The following SPG7 variants were observed in gnomAD, a reference collection of about 807,000 sequenced individuals.
SPG7 encodes the protein mitochondrial inner membrane m-AAA protease component paraplegin.
SPG7 carries 103 observed loss-of-function variants against 81.9 expected under a neutral mutation model. The observed-to-expected ratio is 1.26, with a 90% CI of 1.07 to 1.48. The LOEUF (loss-of-function observed/expected upper bound fraction) is 1.48, where lower values mean the gene tolerates loss of function less well. SPG7 is among the 40% of genes most tolerant of loss of function. SPG7 has a pLI of 0.00. For synonymous variants in SPG7, 534 were observed against 444.2 expected, an observed-to-expected ratio of 1.20 and a Z score of -2.54; for missense variants, 1,241 against 1,087.3, an observed-to-expected ratio of 1.14 and a Z score of -1.99.
Position 89,524,169 on chromosome 16 carries a change from G to A in SPG7, c.540G>A (p.Val180=), listed in dbSNP as rs1415672616. ...ACGAGATGCTGGCCAAGGGCGAGGTGCAGCGCGTCCAGGTGGTGCCTGAGA... is the reference window on the plus strand; with the variant it reads ...ACGAGATGCTGGCCAAGGGCGAGGTACAGCGCGTCCAGGTGGTGCCTGAGA... ...FVHEMLAKGE[V]QRVQVVPESD... Residue 180 remains valine (V), a synonymous_variant, in exon 4 of 17, where the codon GTG becomes GTA. Transcript: ENST00000645818. The A allele has an allele frequency of 1.9e-6, 3 of 1,613,996 alleles. No individual in the cohort carries two copies. Among genetic ancestry groups the A allele is most frequent in the Non-Finnish European group, 8.5e-7 (1 of 1,180,032 alleles).
At chr16:89,544,535 C>G in intron 9 of SPG7, 113 bp from the exon 10 acceptor site, 1 of 1,274,026 alleles carries the variant, frequency 7.8e-7, no homozygotes, top group East Asian at 2.3e-5. Flanking sequence ...TCCTTTCTCT[C>G]TGGGCCTTAG....
At chr16:89,517,226 A>G (rs891803965) in intron 3 of SPG7, 1 of 152,140 alleles carries the variant, frequency 6.6e-6, no homozygotes, top group African/African-American at 2.4e-5. Context: ...CGTGTGCCCC[A>G]CTAATAACTC....
At chr16:89,554,059 C>A in intron 15 of SPG7, 99 bp downstream of exon 15, 1 of 1,326,062 alleles carries the variant, frequency 7.5e-7, no homozygotes, top group Admixed American at 1.9e-5. Flanking sequence ...CCCAGCGGAG[C>A]TCAGCTGCAG....
chr16:89,537,505 AAAGGC>A, intron 9 of SPG7: 1 of 994,498 alleles, frequency 1.0e-6, no homozygotes, highest in South Asian at 4.5e-5. Flanking sequence ...CACACACAGA[AAAGGC>A]TGCTGTGAAC....
chr16:89,540,348 C>T (rs775203462), intron 9 of SPG7: 1 of 152,068 alleles, frequency 6.6e-6, no homozygotes, highest in African/African-American at 2.4e-5. Flanking sequence ...GCATTTTGCG[C>T]GTCTGAGTTG....
At chr16:89,537,381 C>A in intron 9 of SPG7, 1 of 1,112,308 alleles carries the variant, frequency 9.0e-7, no homozygotes, top group Non-Finnish European at 1.1e-6. Flanking sequence ...TGATGGGGAG[C>A]GTCGGCGCTG....
intron 11 of SPG7, chr16:89,547,541 CCT>C (rs913688712): frequency 2.3e-5 from 5 of 221,836 alleles, no homozygotes; most frequent in Admixed American, 2.1e-4. Context: ...GCTCCCCGTG[CCT>C]CTCTCCCAGA....
At chr16:89,533,073 CA>C (rs398042283) in intron 9 of SPG7, 25,062 of 83,832 alleles carry the variant, frequency 0.3, 1,608 homozygotes, top group Admixed American at 0.36. Flanking sequence ...GACTCCATCT[CA>C]AAAAAAAAAA....
At position 89,532,429 on chromosome 16, in the gene SPG7, T is replaced by C. The variant is rs1274317466; in HGVS notation, c.1151-34T>C. ...GGAAGAGGCTTTGTTTTTTATTAACTGCCCATTTCCTGATTCTCTCTGTGT... is the reference window on the plus strand; with the variant it reads ...GGAAGAGGCTTTGTTTTTTATTAACCGCCCATTTCCTGATTCTCTCTGTGT... On this transcript the variant is annotated intron_variant, in intron 8 of 16. Transcript: ENST00000645818. 3.7e-6 allele frequency: 6 copies of C among 1,611,864 alleles called. No individual in the cohort carries two copies. The Admixed American group carries it at 8.3e-5, about 22-fold the overall frequency.
chr16:89,511,024 G>A (rs1319673846), intron 2 of SPG7, among the ~76,000 whole-genome samples: 2 of 152,168 alleles, frequency 1.3e-5, no homozygotes, highest in African/African-American at 4.8e-5. Context: ...TTTTTGTGGA[G>A]ATGGGGTTTT....
rs373636036 is a variant in SPG7 at position 89,524,176 on chromosome 16, G to T, written c.547G>T (p.Val183Phe). 3 of 1,614,038 alleles carry T rather than the reference G, an allele frequency of 1.9e-6. No homozygotes were observed. In the South Asian group the frequency reaches 3.3e-5, roughly 18 times the overall value. Residue 183 changes from valine to phenylalanine, a missense_variant, in exon 4 of 17, where the codon GTC (valine) becomes TTC (phenylalanine). Physicochemically the swap from Val to Phe is conservative, Grantham distance 50 (BLOSUM62 -1). Coordinates refer to ENST00000645818, the MANE Select transcript of SPG7 (RefSeq NM_003119.4). ...EMLAKGEVQR[V>F]QVVPESDVVE... ...GCTGGCCAAGGGCGAGGTGCAGCGC[G>T]TCCAGGTGGTGCCTGAGAGCGACGT...
At chr16:89,508,978 G>C in intron 1 of SPG7, 1 of 486,570 alleles carries the variant, frequency 2.1e-6, no homozygotes, top group Non-Finnish European at 4.0e-6. Context: ...GAATTCCAGC[G>C]CCTTCCAGTT....
intron 10 of SPG7, chr16:89,545,021 C>G (rs1406443626): frequency 1.8e-6 from 1 of 560,948 alleles, no homozygotes; most frequent in East Asian, 3.2e-5. Flanking sequence ...TGGCTGCACT[C>G]ACTGCTCGGG....
intron 1 of SPG7, chr16:89,508,888 CT>C: frequency 1.6e-6 from 1 of 621,232 alleles, no homozygotes; most frequent in Non-Finnish European, 3.0e-6. Context: ...TCTTCCTCGC[CT>C]TTTAAAGTGG....
At chr16:89,524,774 C>A (rs947005865) in intron 4 of SPG7, among the ~76,000 whole-genome samples, 2 of 151,964 alleles carry the variant, frequency 1.3e-5, no homozygotes, top group African/African-American at 4.8e-5. Context: ...TCCAAGAGTG[C>A]GTCAGAACAT....
At chr16:89,516,416 G>T (rs952095586) in intron 3 of SPG7, among the ~76,000 whole-genome samples, 1 of 152,038 alleles carries the variant, frequency 6.6e-6, no homozygotes, top group Non-Finnish European at 1.5e-5. Flanking sequence ...GCCAGGTGTG[G>T]TGTACGTGCT....
At chr16:89,554,876 A>G (rs756515329) in intron 16 of SPG7, 6 of 285,604 alleles carry the variant, frequency 2.1e-5, no homozygotes, top group Non-Finnish European at 4.0e-5. Flanking sequence ...TTTCTTGAAC[A>G]TTTTTTTAAA....
Position 89,532,617 on chromosome 16 carries a change from G to A in SPG7, c.1305G>A (p.Gln435=), listed in dbSNP as rs559906913. 1.9e-6 allele frequency: 3 copies of A among 1,613,578 alleles called. No homozygotes were observed. The highest frequency in any genetic ancestry group is 8.5e-7 in the Non-Finnish European group (1 of 1,180,048). ...CGGAGGAGGAGCAGACGCTCAACCAGCTTCTGGTAGAAATGGATGGTCAGT... is the reference window on the plus strand; with the variant it reads ...CGGAGGAGGAGCAGACGCTCAACCAACTTCTGGTAGAAATGGATGGTCAGT... The part of the protein sequence containing the change: ...SNTEEEQTLN[Q]LLVEMDGMGT... Residue 435 remains glutamine, a synonymous_variant, in exon 9 of 17, where the codon CAG becomes CAA. Coordinates refer to ENST00000645818, the MANE Select transcript of SPG7 (RefSeq NM_003119.4).
chr16:89,540,517 T>C (rs1288328934), intron 9 of SPG7: 1 of 152,024 alleles, frequency 6.6e-6, no homozygotes, highest in African/African-American at 2.4e-5. Context: ...GCCTGGCAGT[T>C]CGAGGCTACA....
Sources: gnomAD v4.1 joint callset for allele counts (sites outside exome capture counted in the v4.1 genomes callset) on GRCh38, gnomAD v4.1.1 for gene constraint, MANE v1.5 for transcripts, NCBI Gene and HGNC (gene_info 2026-07-23, HGNC 2026-07-21) for gene names.